HTR1F: variants seen among roughly 807,000 people sequenced by gnomAD.
HTR1F encodes the protein 5-hydroxytryptamine (serotonin) receptor 1F, G protein-coupled.
Under a neutral mutation model 24.0 loss-of-function variants are expected in HTR1F, and 17 were observed. That is an observed-to-expected ratio of 0.71 (90% CI 0.48 to 1.06). The LOEUF is 1.06. Among genes scored for constraint, HTR1F ranks in the 50% least tolerant of loss-of-function variants. The pLI is 0.00. For synonymous variants in HTR1F, 186 were observed against 156.8 expected (o/e 1.19, Z -1.39); for missense variants, 391 against 427.8 (o/e 0.91, Z 0.76).
At chr3:87,929,195 T>C (rs1286040968) in intron 2 of HTR1F, among the ~76,000 whole-genome samples, 1 of 152,162 alleles carries the variant, frequency 6.6e-6, no homozygotes, top group Non-Finnish European at 1.5e-5. Flanking sequence ...AGTGTAAAAG[T>C]AACCAACAGC....
intron 1 of HTR1F, among the ~76,000 whole-genome samples, chr3:87,802,940 G>C (rs1393896786): frequency 6.6e-6 from 1 of 152,122 alleles, no homozygotes; most frequent in Non-Finnish European, 1.5e-5. Flanking sequence ...TCTTTTAGCA[G>C]GTTCTTTAGA....
At chr3:87,849,075 A>C (rs1417565190) in intron 2 of HTR1F, among the ~76,000 whole-genome samples, 4 of 151,480 alleles carry the variant, frequency 2.6e-5, no homozygotes, top group African/African-American at 9.8e-5. Flanking sequence ...TCAAGCTACC[A>C]ATGACTTTCT....
intron 2 of HTR1F, among the ~76,000 whole-genome samples, chr3:87,834,516 C>T (rs567404034): frequency 3.5e-4 from 53 of 151,722 alleles, no homozygotes; most frequent in Admixed American, 1.8e-3. Flanking sequence ...CGTGAGGTGG[C>T]GCTTAAGAAC....
intron 2 of HTR1F, among the ~76,000 whole-genome samples, chr3:87,976,588 A>T (rs1705398927): frequency 6.6e-6 from 1 of 152,148 alleles, no homozygotes; most frequent in Admixed American, 6.5e-5. Flanking sequence ...GTTTTAACAC[A>T]CCCTAAGCAT....
Position 87,819,892 on chromosome 3 carries a change from A to G in HTR1F, c.-159-2116A>G, listed in dbSNP as rs59588546. Among the ~76,000 whole-genome samples, 316 of 152,266 alleles carry G rather than the reference A, an allele frequency of 2.1e-3. 1 individual carries two copies. Among genetic ancestry groups the G allele is most frequent in the African/African-American group, 7.1e-3 (296 of 41,568 alleles). Reference sequence around the variant, plus strand: ...ACAAACTATTTAAGTACAATGAGAAAAAAGTTAAATAGTAAATGAGAACAA... The same window carrying G: ...ACAAACTATTTAAGTACAATGAGAAGAAAGTTAAATAGTAAATGAGAACAA... On this transcript the variant is annotated intron_variant, in intron 1 of 2. Coordinates refer to ENST00000319595, the MANE Select transcript of HTR1F (RefSeq NM_001322209.2).
At chr3:87,935,461 G>A (rs559906897) in intron 2 of HTR1F, among the ~76,000 whole-genome samples, 1 of 151,350 alleles carries the variant, frequency 6.6e-6, no homozygotes, top group East Asian at 1.9e-4. Context: ...GCTTCTGCAA[G>A]TGTCTTATCC....
At chr3:87,849,776 C>A (rs1264683208) in intron 2 of HTR1F, among the ~76,000 whole-genome samples, 2 of 151,838 alleles carry the variant, frequency 1.3e-5, no homozygotes, top group Admixed American at 6.6e-5. Context: ...AAACAAACAA[C>A]CCCATCAAAA....
chr3:87,886,688 C>T (rs553760307), intron 2 of HTR1F, among the ~76,000 whole-genome samples: 45 of 152,080 alleles, frequency 3.0e-4, no homozygotes, highest in African/African-American at 1.0e-3. Context: ...CATTCGTCTA[C>T]ACCAATAAAA....
Position 87,990,925 on chromosome 3 carries a change from A to G in HTR1F, c.176A>G (p.Asn59Ser), listed in dbSNP as rs574996020. Reference sequence around the variant, plus strand: ...ACCCGGAAGCTGCACCATCCAGCCAATTATTTAATTTGTTCCCTTGCAGTC... The same window carrying G: ...ACCCGGAAGCTGCACCATCCAGCCAGTTATTTAATTTGTTCCCTTGCAGTC... ...IVTRKLHHPA[N>S]YLICSLAVTD... The change falls in exon 3 of 3, where the codon AAT becomes AGT. Residue 59 changes from asparagine (N) to serine (S), a missense_variant. Asn to Ser is a conservative substitution (Grantham distance 46). Transcript: ENST00000319595. The G allele has an allele frequency of 6.2e-7, 1 of 1,614,140 alleles. No homozygotes were observed. The highest frequency in any genetic ancestry group is 1.3e-5 in the African/African-American group (1 of 75,032).
At chr3:87,882,224 G>A (rs899790894) in intron 2 of HTR1F, among the ~76,000 whole-genome samples, 2 of 152,192 alleles carry the variant, frequency 1.3e-5, no homozygotes, top group Non-Finnish European at 2.9e-5. Context: ...GTGCTGGAGA[G>A]GATGTGGAGA....
chr3:87,832,617 C>A (rs1257822226), intron 2 of HTR1F, among the ~76,000 whole-genome samples: 3 of 152,202 alleles, frequency 2.0e-5, no homozygotes, highest in East Asian at 1.9e-4. Context: ...CGTGAGCCAC[C>A]GCGCCCAGCC....
At chr3:87,826,035 A>G (rs1197838609) in intron 2 of HTR1F, among the ~76,000 whole-genome samples, 1 of 152,202 alleles carries the variant, frequency 6.6e-6, no homozygotes, top group African/African-American at 2.4e-5. Flanking sequence ...TGTATTAAAA[A>G]ATATTTGCTG....
chr3:87,861,188 G>C (rs1347045240), intron 2 of HTR1F, among the ~76,000 whole-genome samples: 1 of 151,916 alleles, frequency 6.6e-6, no homozygotes, highest in Non-Finnish European at 1.5e-5. Context: ...TTATCAAATA[G>C]GAAACAATTA....
chr3:87,819,473 A>G (rs1553661946), intron 1 of HTR1F, among the ~76,000 whole-genome samples: 1 of 151,838 alleles, frequency 6.6e-6, no homozygotes, highest in Non-Finnish European at 1.5e-5. Flanking sequence ...CTGGAAGAAT[A>G]CTAGTAAATT....
At chr3:87,799,678 C>G (rs1703962501) in intron 1 of HTR1F, among the ~76,000 whole-genome samples, 1 of 152,170 alleles carries the variant, frequency 6.6e-6, no homozygotes, top group Non-Finnish European at 1.5e-5. Context: ...CCCTCACTAT[C>G]TGATACAACA....
intron 2 of HTR1F, among the ~76,000 whole-genome samples, chr3:87,952,981 C>T (rs550019414): frequency 6.6e-6 from 1 of 151,758 alleles, no homozygotes; most frequent in East Asian, 1.9e-4. Flanking sequence ...AAAATGAGTA[C>T]ACAGTTTTAC....
intron 2 of HTR1F, among the ~76,000 whole-genome samples, chr3:87,898,658 GAT>G (rs1285021457): frequency 6.6e-6 from 1 of 151,778 alleles, no homozygotes; most frequent in East Asian, 1.9e-4. Context: ...TAGGCTAGCA[GAT>G]ATAACTAGTT....
intron 2 of HTR1F, among the ~76,000 whole-genome samples, chr3:87,898,990 A>C (rs557085006): frequency 6.6e-6 from 1 of 152,286 alleles, no homozygotes; most frequent in South Asian, 2.1e-4. Flanking sequence ...TGAAATTTTA[A>C]CAAGATTCTG....
chr3:87,842,129 C>A (rs1704821641), intron 2 of HTR1F, among the ~76,000 whole-genome samples: 1 of 151,598 alleles, frequency 6.6e-6, no homozygotes, highest in Non-Finnish European at 1.5e-5. Flanking sequence ...TGAACATTAG[C>A]AATTCAGCAA....
Sources: allele counts gnomAD v4.1 joint callset (sites outside exome capture counted in the v4.1 genomes callset), GRCh38; gene constraint gnomAD v4.1.1; transcripts MANE v1.5; gene names NCBI Gene and HGNC (gene_info 2026-07-23, HGNC 2026-07-21).